Variants in OSBPL2 observed in about 807,000 individuals in gnomAD.
OSBPL2 encodes the protein oxysterol-binding protein-related protein 2.
OSBPL2 carries 18 observed loss-of-function variants against 58.4 expected under a neutral mutation model. That is an observed-to-expected ratio of 0.31 (90% CI 0.21 to 0.46). OSBPL2 has a LOEUF of 0.46. Ranked by LOEUF, OSBPL2 falls within the 20% of genes least tolerant of loss-of-function variation. The pLI is 1.00. For missense variants in OSBPL2, 461 were observed against 616.5 expected, an observed-to-expected ratio of 0.75 and a Z score of 2.67; for synonymous variants, 221 against 234.1, an observed-to-expected ratio of 0.94 and a Z score of 0.51.
chr20:62,267,347 C>G (rs6121970), intron 4 of OSBPL2, among the ~76,000 whole-genome samples: 1 of 152,092 alleles, frequency 6.6e-6, no homozygotes, highest in Non-Finnish European at 1.5e-5. Context: ...TATTGATTGC[C>G]GGGGATAGTT....
chr20:62,255,559 C>T (rs368430866), intron 1 of OSBPL2, among the ~76,000 whole-genome samples: 7 of 152,238 alleles, frequency 4.6e-5, no homozygotes, highest in East Asian at 1.9e-4. Context: ...GCTGAAGTGC[C>T]GTGGCACGAT....
chr20:62,286,845 A>G, intron 11 of OSBPL2, 134 bp downstream of exon 11: 1 of 1,057,506 alleles, frequency 9.5e-7, no homozygotes, highest in Non-Finnish European at 1.3e-6. Flanking sequence ...CAGAGCAGAC[A>G]GGGGCCTCCG....
intron 7 of OSBPL2, 180 bp downstream of exon 7, chr20:62,279,519 G>A: frequency 1.6e-6 from 1 of 625,224 alleles, no homozygotes; most frequent in Non-Finnish European, 2.8e-6. Flanking sequence ...GTGTTGCTGG[G>A]GTGCGTCCTC....
At chr20:62,264,970 G>A (rs1431592336) in intron 4 of OSBPL2, among the ~76,000 whole-genome samples, 1 of 152,154 alleles carries the variant, frequency 6.6e-6, no homozygotes, top group Non-Finnish European at 1.5e-5. Context: ...CTTGTCTGAG[G>A]GGCTCTGTGA....
chr20:62,286,613 G>A lies in OSBPL2; in HGVS notation c.1027G>A (p.Val343Met), dbSNP rs1983143808. The change falls in exon 11 of 14, where the codon GTG (valine) becomes ATG (methionine). Residue 343 changes from valine to methionine, a missense_variant. Val to Met is a conservative substitution (Grantham distance 21). Transcript: ENST00000313733. Reference protein sequence around the residue: ...DEDSGKADSDVADDVPVAQET... With the variant: ...DEDSGKADSDMADDVPVAQET... ...AGACTCCGGGAAGGCTGACAGCGAC[G>A]TGGCTGACGACGTGCCTGTGGCCCA... 4 of 1,613,534 alleles carry A rather than the reference G, an allele frequency of 2.5e-6. No homozygotes were observed. Among genetic ancestry groups the A allele is most frequent in the South Asian group, 2.2e-5 (2 of 91,084 alleles).
At chr20:62,274,367 T>C (rs1219923907) in intron 6 of OSBPL2, among the ~76,000 whole-genome samples, 1 of 152,084 alleles carries the variant, frequency 6.6e-6, no homozygotes, top group Non-Finnish European at 1.5e-5. Context: ...ATGAGAGGGA[T>C]GTGGGTGGCT....
chr20:62,260,461 C>T (rs1173534537), intron 3 of OSBPL2, among the ~76,000 whole-genome samples: 1 of 152,168 alleles, frequency 6.6e-6, no homozygotes, highest in Admixed American at 6.5e-5. Flanking sequence ...CAGTACATGG[C>T]GTCTTGATCA....
intron 11 of OSBPL2, among the ~76,000 whole-genome samples, 160 bp downstream of exon 11, chr20:62,286,871 C>G (rs1983166892): frequency 6.6e-6 from 1 of 152,274 alleles, no homozygotes; most frequent in African/African-American, 2.4e-5. Context: ...GTCGGAGTGG[C>G]TTCTGTTGTC....
chr20:62,282,732 C>T (rs1048676535), intron 9 of OSBPL2, among the ~76,000 whole-genome samples: 1 of 152,172 alleles, frequency 6.6e-6, no homozygotes, highest in Non-Finnish European at 1.5e-5. Flanking sequence ...GAGGCTGAGG[C>T]ACAAGAATCT....
In OSBPL2 at chr20:62,294,104, T is replaced by A. The variant is rs1983711956; in HGVS notation, c.*217T>A. On this transcript the variant is annotated 3_prime_UTR_variant, in exon 14 of 14. Coordinates refer to ENST00000313733, the MANE Select transcript of OSBPL2 (RefSeq NM_144498.4). The stretch of plus-strand genomic sequence containing the variant: ...TCTCTTCATAAAGCTTCACTTGGGA[T>A]CATCGTCTTCATTAAGGTTTCAACA... 1.6e-6 allele frequency: 1 copy of A among 620,422 alleles called. No homozygotes were observed. The highest frequency in any genetic ancestry group is 2.7e-6 in the Non-Finnish European group (1 of 375,628). 38.4% of individuals were successfully genotyped at this position (620,422 alleles called of 1,614,324 possible). A position where few individuals can be genotyped will look rare whatever the true frequency, so the allele number is the denominator to read the frequency against.
chr20:62,292,755 G>A (rs769690782), intron 13 of OSBPL2, among the ~76,000 whole-genome samples: 84 of 152,232 alleles, frequency 5.5e-4, no homozygotes, highest in Non-Finnish European at 1.1e-3. Context: ...TGTGGCTGGC[G>A]TTTTGAAACC....
In OSBPL2 at chr20:62,294,212, T is replaced by C; in HGVS notation, c.*325T>C. On this transcript the variant is annotated 3_prime_UTR_variant, in exon 14 of 14. Transcript: ENST00000313733. ...TTCCAGCACACTCTCAGTCATAGCA[T>C]GTGTAGCTAAAGGAAGTAATGGGAA... 2.7e-6 allele frequency: 1 copy of C among 372,332 alleles called. No individual in the cohort carries two copies. The highest frequency in any genetic ancestry group is 4.8e-6 in the Non-Finnish European group (1 of 206,910). The allele number at this position is 372,332 out of a possible 1,614,324, so 23.1% of individuals were successfully genotyped here.
Position 62,263,621 on chromosome 20 carries a change from C to T in OSBPL2, c.188C>T (p.Ser63Leu), listed in dbSNP as rs761173093. Residue 63 changes from serine to leucine, a missense_variant, in exon 4 of 14, where the codon TCG becomes TTG. By Grantham distance (145) the Ser-to-Leu change is moderately radical. Around this residue, in one of 5 missense-constraint regions of OSBPL2, gnomAD observed 80 missense variants for 74.8 expected, o/e 1.07. Coordinates refer to ENST00000313733, the MANE Select transcript of OSBPL2 (RefSeq NM_144498.4). ...QENGIQKHRT[S>L]LPAPMFSRSD... ...ACCCCTTTTGTGCTTCGCAGGACAT[C>T]GCTGCCGGCTCCCATGTTCAGCAGA... 6.8e-6 allele frequency: 11 copies of T among 1,613,926 alleles called. No individual in the cohort carries two copies. Among genetic ancestry groups the T allele is most frequent in the African/African-American group, 1.3e-5 (1 of 74,926 alleles).
intron 6 of OSBPL2, among the ~76,000 whole-genome samples, chr20:62,273,657 G>A (rs1188177894): frequency 2.0e-5 from 3 of 152,224 alleles, no homozygotes; most frequent in Non-Finnish European, 2.9e-5. Flanking sequence ...CGACTCAAGC[G>A]TGGAGATAGC....
intron 1 of OSBPL2, among the ~76,000 whole-genome samples, chr20:62,254,687 A>G (rs1350985693): frequency 3.9e-5 from 6 of 152,246 alleles, no homozygotes; most frequent in African/African-American, 1.4e-4. Context: ...TCACCCTCAG[A>G]ACTGTGCAGA....
chr20:62,244,519 G>A (rs374342743), intron 1 of OSBPL2, among the ~76,000 whole-genome samples: 59 of 152,364 alleles, frequency 3.9e-4, no homozygotes, highest in African/African-American at 1.3e-3. Flanking sequence ...GGCCGCATTG[G>A]AACAGCTTTT....
chr20:62,240,198 C>T (rs991191482), intron 1 of OSBPL2, among the ~76,000 whole-genome samples: 3 of 152,084 alleles, frequency 2.0e-5, no homozygotes, highest in Middle Eastern at 3.2e-3. Context: ...GTGCGCACCC[C>T]GGAATGCCAG....
At chr20:62,249,224 C>CA (rs368125751) in intron 1 of OSBPL2, among the ~76,000 whole-genome samples, 5 of 149,358 alleles carry the variant, frequency 3.3e-5, no homozygotes, top group South Asian at 2.1e-4. Flanking sequence ...CCCAACCCCC[C>CA]AAAAAAAAAA....
Position 62,269,673 on chromosome 20 carries a change from C to T in OSBPL2, c.259-2452C>T, listed in dbSNP as rs139606533. Among the ~76,000 whole-genome samples, 19 of 152,320 alleles carry T rather than the reference C, an allele frequency of 1.2e-4. No homozygotes were observed. In the East Asian group the frequency reaches 3.5e-3, roughly 28 times the overall value. On this transcript the variant is annotated intron_variant, in intron 4 of 13. Transcript: ENST00000313733. The surrounding 1 kb of genome is among the most constrained non-coding windows in gnomAD (Gnocchi z 4.2). ...TTTAGAGCACGGGAGGCTGTTGATCCTGGTCTGGAATGTAAATTGCAAATG... is the reference window on the plus strand; with the variant it reads ...TTTAGAGCACGGGAGGCTGTTGATCTTGGTCTGGAATGTAAATTGCAAATG...
Sources: allele counts gnomAD v4.1 joint callset (sites outside exome capture counted in the v4.1 genomes callset), GRCh38; gene constraint gnomAD v4.1.1; regional missense constraint gnomAD v4.1.1; non-coding constraint Gnocchi (gnomAD v3.1); transcripts MANE v1.5; gene names NCBI Gene and HGNC (gene_info 2026-07-23, HGNC 2026-07-21).